The following TAB2 variants were observed in gnomAD, a reference collection of about 807,000 sequenced individuals.
TAB2 encodes the protein TGF-beta-activated kinase 1 and MAP3K7-binding protein 2.
In TAB2, 3 loss-of-function variants were observed where a neutral mutation model predicts 65.0. The observed-to-expected ratio is 0.05, with a 90% CI of 0.02 to 0.12. The LOEUF (loss-of-function observed/expected upper bound fraction) is 0.12, where lower values mean the gene tolerates loss of function less well. Among genes scored for constraint, TAB2 ranks in the 10% least tolerant of loss-of-function variants. TAB2 has a pLI of 1.00. For missense variants in TAB2, 623 were observed against 840.3 expected, an observed-to-expected ratio of 0.74 and a Z score of 3.20; for synonymous variants, 298 against 285.1, an observed-to-expected ratio of 1.05 and a Z score of -0.46.
chr6:149,249,287 C>T (rs549244060), intron 1 of TAB2, among the ~76,000 whole-genome samples: 1 of 152,258 alleles, frequency 6.6e-6, no homozygotes, highest in Non-Finnish European at 1.5e-5. Flanking sequence ...AACTCTGCTC[C>T]CAACAGTTCA....
chr6:149,358,970 T>G (rs1165525056), intron 1 of TAB2, among the ~76,000 whole-genome samples: 1 of 152,178 alleles, frequency 6.6e-6, no homozygotes, highest in Admixed American at 6.6e-5. Context: ...TCTAGAAGTC[T>G]TAATTGATTC....
intron 1 of TAB2, among the ~76,000 whole-genome samples, chr6:149,325,851 C>T (rs1431540492): frequency 6.6e-6 from 1 of 152,302 alleles, no homozygotes; most frequent in East Asian, 1.9e-4. Flanking sequence ...GTGATCCTCC[C>T]ACCTCAGCCT....
chr6:149,227,282 ATCT>A (rs1387991875), intron 1 of TAB2, among the ~76,000 whole-genome samples: 1 of 152,134 alleles, frequency 6.6e-6, no homozygotes. Context: ...TTTAATTACA[ATCT>A]TCTCTTTGCT....
rs191331218 is a variant in TAB2 at position 149,311,653 on chromosome 6, A to G, written c.-120-66365A>G. ...AGTAGTAGTAATGGTACCACTGTCA[A>G]TGCTAGTGTTAGTAACTGGTTTATA... On this transcript the variant is annotated intron_variant, in intron 1 of 1. Transcript: ENST00000606202. Among the ~76,000 whole-genome samples, 2 of 46,272 alleles carry G rather than the reference A, an allele frequency of 4.3e-5. 1 individual carries two copies. The highest frequency in any genetic ancestry group is 1.2e-3 in the East Asian group (2 of 1,674). 30.4% of individuals were successfully genotyped at this position (46,272 alleles called of 152,430 possible).
intron 1 of TAB2, among the ~76,000 whole-genome samples, chr6:149,275,102 C>A (rs1583059571): frequency 6.8e-6 from 1 of 148,076 alleles, no homozygotes; most frequent in Non-Finnish European, 1.5e-5. Flanking sequence ...CATTCATTTC[C>A]CTAATTTTTT....
chr6:149,237,015 C>T (rs1466833689), intron 1 of TAB2, among the ~76,000 whole-genome samples: 1 of 152,138 alleles, frequency 6.6e-6, no homozygotes, highest in Non-Finnish European at 1.5e-5. Flanking sequence ...TTTAAATTGG[C>T]CTAAGTAAAA....
Position 149,409,684 on chromosome 6 carries a change from C to A in TAB2, c.2047C>A (p.Arg683Ser). 1 of 1,614,136 alleles carries A rather than the reference C, an allele frequency of 6.2e-7. No homozygotes were observed. Among genetic ancestry groups the A allele is most frequent in the Non-Finnish European group, 8.5e-7 (1 of 1,179,988 alleles). The change falls in exon 7 of 7, where the codon CGC (arginine) becomes AGC (serine). Residue 683 changes from arginine (R) to serine (S), a missense_variant. Arg to Ser is a moderately radical substitution (Grantham distance 110). Coordinates refer to ENST00000637181, the MANE Select transcript of TAB2 (RefSeq NM_001292034.3). ...CTFLNHPALIRCEQCEMPRHF is the reference protein window; with the variant it reads ...CTFLNHPALISCEQCEMPRHF ...TTTTTTGAACCATCCAGCCTTAATT[C>A]GCTGTGAACAGTGTGAGATGCCAAG...
intron 1 of TAB2, among the ~76,000 whole-genome samples, chr6:149,288,053 G>A (rs56756008): frequency 0.073 from 11,166 of 152,236 alleles, 783 homozygotes; most frequent in East Asian, 0.39. Context: ...TAAAGAAATA[G>A]CATGATAACA....
chr6:149,242,761 C>T (rs1398298293), intron 1 of TAB2, among the ~76,000 whole-genome samples: 3 of 152,126 alleles, frequency 2.0e-5, no homozygotes. Flanking sequence ...GGATGGCCGC[C>T]CGTCTCTTCT....
chr6:149,344,549 A>G (rs1270720086), intron 1 of TAB2, among the ~76,000 whole-genome samples: 1 of 152,194 alleles, frequency 6.6e-6, no homozygotes, highest in Non-Finnish European at 1.5e-5. Flanking sequence ...TCCAGTGTGC[A>G]TAGAGAATAG....
At chr6:149,285,450 A>G (rs1187813852) in intron 1 of TAB2, among the ~76,000 whole-genome samples, 1 of 152,168 alleles carries the variant, frequency 6.6e-6, no homozygotes, top group African/African-American at 2.4e-5. Flanking sequence ...ATCCTCTACA[A>G]AGTGATCTAC....
At chr6:149,275,234 G>GAGAAAGAAAGAAAGAAAGAAAGAA (rs746637120) in intron 1 of TAB2, among the ~76,000 whole-genome samples, 10 of 65,404 alleles carry the variant, frequency 1.5e-4, no homozygotes, top group African/African-American at 2.6e-4. Flanking sequence ...GGGAGAGAGA[G>GAGAAAGAAAGAAAGAAAGAAAGAA]AGAAAGAAAG....
chr6:149,408,828 G>C (rs769501595), intron 6 of TAB2, among the ~76,000 whole-genome samples: 6 of 152,056 alleles, frequency 3.9e-5, no homozygotes, highest in Admixed American at 6.6e-5. Flanking sequence ...TGGTCTCTTA[G>C]AGTTCCAGTG....
intron 1 of TAB2, among the ~76,000 whole-genome samples, chr6:149,309,473 C>T (rs535756646): frequency 7.9e-5 from 12 of 151,796 alleles, no homozygotes; most frequent in East Asian, 7.8e-4. Context: ...CTCCGCTCAC[C>T]GCAAGCTCCA....
rs534951157 is a variant in TAB2 at position 149,361,983 on chromosome 6, C to T, written c.-89-7926C>T. ...TGATTTCCATCTTAGTTTTTATCAC[C>T]TTGGCCTTCCCTGTCCATATCACTA... On this transcript the variant is annotated intron_variant, in intron 1 of 6. Coordinates refer to ENST00000637181, the MANE Select transcript of TAB2 (RefSeq NM_001292034.3). Among the ~76,000 whole-genome samples, 13 of 152,306 alleles carry T rather than the reference C, an allele frequency of 8.5e-5. No individual in the cohort carries two copies. In the South Asian group the frequency reaches 2.5e-3, roughly 29 times the overall value.
intron 1 of TAB2, among the ~76,000 whole-genome samples, chr6:149,232,648 G>A (rs76780218): frequency 1.3e-5 from 2 of 152,168 alleles, no homozygotes; most frequent in South Asian, 2.1e-4. Context: ...CCATAGAAGT[G>A]GGGGGAGGGT....
intron 1 of TAB2, among the ~76,000 whole-genome samples, chr6:149,306,569 A>C (rs1183991957): frequency 4.0e-4 from 61 of 150,964 alleles, no homozygotes; most frequent in Non-Finnish European, 6.3e-4. Context: ...AAAAAAAAAA[A>C]AAAACAAAAA....
chr6:149,284,852 G>T (rs1321295708), intron 1 of TAB2, among the ~76,000 whole-genome samples: 1 of 152,094 alleles, frequency 6.6e-6, no homozygotes, highest in Non-Finnish European at 1.5e-5. Context: ...GTAGCCCTGA[G>T]ATTGGTTAAG....
intron 1 of TAB2, among the ~76,000 whole-genome samples, chr6:149,358,471 C>G (rs1780740803): frequency 6.6e-6 from 1 of 152,028 alleles, no homozygotes; most frequent in African/African-American, 2.4e-5. Flanking sequence ...TTCTGTCTTC[C>G]GGCATCTACT....
Sources: allele counts gnomAD v4.1 joint callset (sites outside exome capture counted in the v4.1 genomes callset), GRCh38; gene constraint gnomAD v4.1.1; transcripts MANE v1.5; gene names NCBI Gene and HGNC (gene_info 2026-07-23, HGNC 2026-07-21).